The following ROBO1 variants were observed in gnomAD, a reference collection of about 807,000 sequenced individuals.
ROBO1 encodes roundabout guidance receptor 1, also known as roundabout homolog 1.
A neutral mutation model predicts 195.9 loss-of-function variants in ROBO1; 149 were observed. The ratio of observed to expected loss-of-function variants is 0.76; its 90% confidence interval spans 0.67 to 0.87. The LOEUF (loss-of-function observed/expected upper bound fraction) is 0.87. Among genes scored for constraint, ROBO1 ranks in the 40% least tolerant of loss-of-function variants. ROBO1 has a pLI of 0.00. For synonymous variants in ROBO1, 816 were observed against 733.2 expected (o/e 1.11, Z -1.82); for missense variants, 1,933 against 2,068.3 (o/e 0.93, Z 1.27).
intron 5 of ROBO1, among the ~76,000 whole-genome samples, chr3:78,740,486 T>C (rs1208862707): frequency 2.3e-5 from 3 of 129,814 alleles, no homozygotes; most frequent in Non-Finnish European, 5.3e-5. Context: ...TTCTTTTTTT[T>C]TTGAAACAGG....
intron 2 of ROBO1, among the ~76,000 whole-genome samples, chr3:79,405,261 G>A (rs910131193): frequency 6.6e-6 from 1 of 152,100 alleles, no homozygotes; most frequent in Non-Finnish European, 1.5e-5. Context: ...CTGGTTCTAT[G>A]AACTTTTCTA....
chr3:79,753,506 G>C (rs868848706), intron 1 of ROBO1, among the ~76,000 whole-genome samples: 1 of 152,198 alleles, frequency 6.6e-6, no homozygotes. Context: ...ATTTGCAAGA[G>C]TGTGTGCAAA....
At chr3:79,564,347 C>T (rs1162290441) in intron 2 of ROBO1, among the ~76,000 whole-genome samples, 1 of 152,034 alleles carries the variant, frequency 6.6e-6, no homozygotes, top group Non-Finnish European at 1.5e-5. Context: ...CACTGCACTG[C>T]ATGATACTGT....
rs116596548 is a variant in ROBO1 at position 79,032,682 on chromosome 3, C to T, written c.172+92774G>A. Among the ~76,000 whole-genome samples the T allele has an allele frequency of 5.5e-3, 833 of 151,984 alleles. 10 individuals carry two copies. Among genetic ancestry groups the T allele is most frequent in the African/African-American group, 0.018 (759 of 41,484 alleles). ...ATTTCCTAGTTTTTTATTCATGTAC[C>T]CGTGGACTAATTTCAGATAATGAGT... On this transcript the variant is annotated intron_variant, in intron 3 of 30. Coordinates refer to ENST00000464233, the MANE Select transcript of ROBO1 (RefSeq NM_002941.4).
chr3:78,893,514 T>TA (rs2037033101), intron 4 of ROBO1, among the ~76,000 whole-genome samples: 1 of 152,182 alleles, frequency 6.6e-6, no homozygotes, highest in South Asian at 2.1e-4. Context: ...TACTCAGTCT[T>TA]AGATATTTTA....
intron 1 of ROBO1, among the ~76,000 whole-genome samples, chr3:79,591,477 G>A (rs1943998561): frequency 6.6e-6 from 1 of 151,744 alleles, no homozygotes; most frequent in Non-Finnish European, 1.5e-5. Context: ...ACTTTGATCT[G>A]AGCTAGAAAC....
intron 4 of ROBO1, among the ~76,000 whole-genome samples, chr3:78,792,051 T>C (rs940940617): frequency 7.2e-5 from 11 of 152,256 alleles, no homozygotes; most frequent in African/African-American, 2.4e-4. Context: ...GGGACCCTCA[T>C]AGGGTTTCAT....
intron 3 of ROBO1, among the ~76,000 whole-genome samples, chr3:79,108,966 G>A (rs2079835901): frequency 1.3e-5 from 2 of 151,938 alleles, no homozygotes; most frequent in Middle Eastern, 3.4e-3. Flanking sequence ...AGTATTTTAT[G>A]CAGCTCTTTA....
At chr3:78,935,280 C>T (rs1177746447) in intron 4 of ROBO1, among the ~76,000 whole-genome samples, 2 of 151,976 alleles carry the variant, frequency 1.3e-5, no homozygotes, top group African/African-American at 4.8e-5. Flanking sequence ...TCTGCCTAGT[C>T]TGGAGGGAAT....
intron 11 of ROBO1, among the ~76,000 whole-genome samples, chr3:78,669,346 T>C (rs1380428575): frequency 6.6e-6 from 1 of 152,206 alleles, no homozygotes; most frequent in Non-Finnish European, 1.5e-5. Context: ...ATATTAACTG[T>C]TGTGGCACTT....
intron 2 of ROBO1, among the ~76,000 whole-genome samples, chr3:79,511,164 CAGTTAATTA>C (rs1435046785): frequency 1.3e-5 from 2 of 152,102 alleles, no homozygotes; most frequent in Non-Finnish European, 2.9e-5. Flanking sequence ...AAACACACAG[CAGTTAATTA>C]TGATATTAGA....
intron 2 of ROBO1, among the ~76,000 whole-genome samples, chr3:79,584,185 A>G (rs1426837730): frequency 6.6e-6 from 1 of 151,084 alleles, no homozygotes; most frequent in Non-Finnish European, 1.5e-5. Context: ...TATTTTATCT[A>G]TATGTGTACA....
At chr3:79,185,536 G>T (rs966144) in intron 2 of ROBO1, among the ~76,000 whole-genome samples, 13,408 of 151,874 alleles carry the variant, frequency 0.088, 1,020 homozygotes, top group African/African-American at 0.2. Context: ...TTTCCTATTA[G>T]GTATTCATCT....
chr3:78,726,996 C>G (rs970431139), intron 5 of ROBO1, among the ~76,000 whole-genome samples: 3 of 152,106 alleles, frequency 2.0e-5, no homozygotes, highest in South Asian at 2.1e-4. Flanking sequence ...TCCAATCTGG[C>G]TACAAGAATA....
At chr3:79,517,037 C>T (rs966895137) in intron 2 of ROBO1, among the ~76,000 whole-genome samples, 11 of 152,094 alleles carry the variant, frequency 7.2e-5, no homozygotes, top group African/African-American at 2.2e-4. Context: ...TAGTGTATTA[C>T]CCTCTCTTTT....
At chr3:79,681,228 C>A (rs543656648) in intron 1 of ROBO1, among the ~76,000 whole-genome samples, 15 of 152,016 alleles carry the variant, frequency 9.9e-5, no homozygotes, top group African/African-American at 3.4e-4. Context: ...TGGGTAGGAA[C>A]GGCTTTATGG....
intron 4 of ROBO1, among the ~76,000 whole-genome samples, chr3:78,793,761 T>A (rs1279292200): frequency 6.6e-6 from 1 of 152,132 alleles, no homozygotes; most frequent in Non-Finnish European, 1.5e-5. Flanking sequence ...TTTAGTTTTT[T>A]TTTTTAATTT....
intron 2 of ROBO1, among the ~76,000 whole-genome samples, chr3:79,312,008 C>T (rs2033510097): frequency 6.6e-6 from 1 of 152,114 alleles, no homozygotes; most frequent in African/African-American, 2.4e-5. Flanking sequence ...AATCAAATTC[C>T]CAACATATTT....
chr3:79,722,633 A>G (rs11127661), intron 1 of ROBO1, among the ~76,000 whole-genome samples: 93,346 of 152,074 alleles, frequency 0.61, 29,190 homozygotes, highest in East Asian at 0.9. Context: ...ACTTTCAGAA[A>G]TGCTGATAAC....
Sources: gnomAD v4.1 joint callset for allele counts (sites outside exome capture counted in the v4.1 genomes callset) on GRCh38, gnomAD v4.1.1 for gene constraint, MANE v1.5 for transcripts, NCBI Gene and HGNC (gene_info 2026-07-23, HGNC 2026-07-21) for gene names.